Variants in SHISAL1 observed in about 807,000 individuals in gnomAD.
SHISAL1 encodes the protein shisa like 1, also known as protein shisa-like-1.
In SHISAL1, 9 loss-of-function variants were observed where a neutral mutation model predicts 22.6. The ratio of observed to expected loss-of-function variants is 0.40; its 90% CI spans 0.24 to 0.70. The LOEUF (loss-of-function observed/expected upper bound fraction) is 0.70, where lower values mean the gene tolerates loss of function less well. SHISAL1 is among the 30% of genes least tolerant of loss of function. SHISAL1 has a pLI of 0.39. For synonymous variants in SHISAL1, 119 were observed against 115.4 expected (o/e 1.03, Z -0.20); for missense variants, 246 against 270.6 (o/e 0.91, Z 0.64).
chr22:44,328,561 C>T, the SHISAL1 span, among the ~76,000 whole-genome samples: 3 of 152,186 alleles, frequency 2.0e-5, no homozygotes, highest in African/African-American at 2.4e-5. Context: ...TGCCACCGCC[C>T]CCCAACCCGC....
chr22:44,313,873 G>T (rs1278487951), upstream of SHISAL1, among the ~76,000 whole-genome samples: 2 of 152,114 alleles, frequency 1.3e-5, no homozygotes, highest in Admixed American at 1.3e-4. Flanking sequence ...CATTCCTTTC[G>T]GTGGACAGAG....
rs748473319 is a variant in SHISAL1, at chr22:44,310,797, G to A, written c.-33+1954C>T. Reference sequence around the variant, plus strand: ...CTTTGCTTGTTCCTTTAGTTGGCACGGATTTCCCTCTGCCTTACCTGTTGG... The same window carrying A: ...CTTTGCTTGTTCCTTTAGTTGGCACAGATTTCCCTCTGCCTTACCTGTTGG... On this transcript the variant is annotated intron_variant, in intron 1 of 4. Transcript: ENST00000381176. The surrounding 1 kb of genome is among the most constrained non-coding windows in gnomAD (Gnocchi z 4.0). Among the ~76,000 whole-genome samples, 13 of 151,952 alleles carry A rather than the reference G, an allele frequency of 8.6e-5. No individual in the cohort carries two copies. Among genetic ancestry groups the A allele is most frequent in the African/African-American group, 2.2e-4 (9 of 41,340 alleles).
chr22:44,273,655 A>G (rs1052880407), intron 4 of SHISAL1, among the ~76,000 whole-genome samples: 1 of 152,230 alleles, frequency 6.6e-6, no homozygotes, highest in African/African-American at 2.4e-5. Flanking sequence ...TAAACTAGCT[A>G]TGGTATTGCT....
the SHISAL1 span, among the ~76,000 whole-genome samples, chr22:44,324,098 T>C: frequency 6.6e-6 from 1 of 152,172 alleles, no homozygotes; most frequent in Non-Finnish European, 1.5e-5. Context: ...TAAAACATAA[T>C]GGTTAGCAAT....
intron 4 of SHISAL1, among the ~76,000 whole-genome samples, chr22:44,271,788 G>A (rs751737224): frequency 3.9e-5 from 6 of 152,138 alleles, no homozygotes; most frequent in Non-Finnish European, 4.4e-5. Flanking sequence ...TCTGTAGGGT[G>A]ATCTCGCTTC....
rs765690814 is a variant in SHISAL1 at position 44,300,871 on chromosome 22, G to A, written c.67+8C>T. ...CGCCCCCGCCCCCAGCATCCACGGA[G>A]GTTTTACCTGCAGAAAACAGCAATG... On this transcript the variant is annotated splice_region_variant and intron_variant, in intron 2 of 4. Transcript: ENST00000381176. 4.3e-6 allele frequency: 7 copies of A among 1,613,416 alleles called. No homozygotes were observed. The highest frequency in any genetic ancestry group is 4.5e-5 in the East Asian group (2 of 44,894).
intron 3 of SHISAL1, among the ~76,000 whole-genome samples, chr22:44,295,568 G>A (rs976449687): frequency 6.6e-6 from 1 of 151,854 alleles, no homozygotes; most frequent in East Asian, 1.9e-4. Flanking sequence ...TAAGCATGAG[G>A]AAAAAGCAGT....
chr22:44,323,914 G>A, the SHISAL1 span, among the ~76,000 whole-genome samples: 2 of 152,210 alleles, frequency 1.3e-5, no homozygotes, highest in African/African-American at 4.8e-5. Flanking sequence ...ATGCCCGTCT[G>A]CACCAAACAC....
At chr22:44,312,031 G>C (rs531073907) in intron 1 of SHISAL1, among the ~76,000 whole-genome samples, 60 of 152,214 alleles carry the variant, frequency 3.9e-4, no homozygotes, top group Non-Finnish European at 7.4e-4. Context: ...CTCGGGGTGG[G>C]GGTGGCTCTG....
At chr22:44,268,112 C>T (rs2055177659) in intron 4 of SHISAL1, among the ~76,000 whole-genome samples, 1 of 152,208 alleles carries the variant, frequency 6.6e-6, no homozygotes, top group Admixed American at 6.5e-5. Flanking sequence ...TCGGTCACTT[C>T]TCAGGGAACT....
chr22:44,303,741 G>A (rs56108898), intron 1 of SHISAL1, among the ~76,000 whole-genome samples: 32,200 of 152,128 alleles, frequency 0.21, 3,577 homozygotes, highest in African/African-American at 0.25. Context: ...GGGTCCACAC[G>A]AGGAAGCTCA....
In SHISAL1 at chr22:44,245,472, C is replaced by T. The variant is rs1234815792; in HGVS notation, c.*4213G>A. The T allele has an allele frequency of 1.3e-5, 2 of 152,224 alleles. No individual in the cohort carries two copies. Among genetic ancestry groups the T allele is most frequent in the Non-Finnish European group, 2.9e-5 (2 of 68,054 alleles). 9.4% of individuals were successfully genotyped at this position (152,224 alleles called of 1,614,324 possible). A position where few individuals can be genotyped will look rare whatever the true frequency, so the allele number is the denominator to read the frequency against. ...GTAAATTCACTTCCGAAGGCTTTTC[C>T]TGTTGATGGGGACCAGTTCAGCCAA... On this transcript the variant is annotated 3_prime_UTR_variant, in exon 5 of 5. Coordinates refer to ENST00000381176, the MANE Select transcript of SHISAL1 (RefSeq NM_001099294.2).
At chr22:44,317,027 G>A (rs1457026641), upstream of SHISAL1, among the ~76,000 whole-genome samples, 3 of 152,230 alleles carry the variant, frequency 2.0e-5, no homozygotes, top group Non-Finnish European at 4.4e-5. Context: ...AAATAGAGCT[G>A]CAGTGGAGAC....
intron 4 of SHISAL1, among the ~76,000 whole-genome samples, chr22:44,274,466 T>G (rs59068787): frequency 6.6e-6 from 1 of 151,962 alleles, no homozygotes; most frequent in Non-Finnish European, 1.5e-5. Context: ...GGCCACAAAT[T>G]CACAAAGGTG....
At position 44,253,425 on chromosome 22, in the gene SHISAL1, A is replaced by ATTTTTTTTTTTTTTTT. The variant is rs1491154287; in HGVS notation, c.*-3741_*-3740insAAAAAAAAAAAAAAAA. On this transcript the variant is annotated intron_variant, in intron 4 of 4. Coordinates refer to ENST00000381176, the MANE Select transcript of SHISAL1 (RefSeq NM_001099294.2). ...AAGCAGAGTATGCTAGTATTAGTGC[A>ATTTTTTTTTTTTTTTT]TGTTTTTTTTTTTTTTTTTTTTTGA... Among the ~76,000 whole-genome samples, 11 of 107,884 alleles carry ATTTTTTTTTTTTTTTT rather than the reference A, an allele frequency of 1.0e-4. 5 individuals carry two copies. The highest frequency in any genetic ancestry group is 1.2e-4 in the Non-Finnish European group (6 of 50,378). The allele number at this position is 107,884 out of a possible 152,430, so 70.8% of individuals were successfully genotyped here. A position where few individuals can be genotyped will look rare whatever the true frequency, so the allele number is the denominator to read the frequency against.
Position 44,312,830 on chromosome 22 carries a change from G to C in SHISAL1, c.-112C>G, listed in dbSNP as rs2055529916. 1.3e-5 allele frequency: 2 copies of C among 152,336 alleles called. No homozygotes were observed. The highest frequency in any genetic ancestry group is 2.9e-5 in the Non-Finnish European group (2 of 68,104). 9.4% of individuals were successfully genotyped at this position (152,336 alleles called of 1,614,324 possible). ...CCTGCAGCTGCTGGCCTCTTCCCCG[G>C]CTCCTGGTTGCCACCAACCTTAAAC... On this transcript the variant is annotated 5_prime_UTR_variant, in exon 1 of 5. Coordinates refer to ENST00000381176, the MANE Select transcript of SHISAL1 (RefSeq NM_001099294.2).
the SHISAL1 span, among the ~76,000 whole-genome samples, chr22:44,323,562 A>ATCCAT: frequency 8.7e-6 from 1 of 115,032 alleles, no homozygotes; most frequent in African/African-American, 3.5e-5. Flanking sequence ...CCATCCATCC[A>ATCCAT]CCATCCATCC....
Position 44,302,414 on chromosome 22 carries a change from T to TAAAA in SHISAL1, c.-32-1441_-32-1438dup, listed in dbSNP as rs35536153. Among the ~76,000 whole-genome samples, 439 of 148,484 alleles carry TAAAA rather than the reference T, an allele frequency of 3.0e-3. 2 individuals carry two copies. The highest frequency in any genetic ancestry group is 0.01 in the African/African-American group (412 of 40,154). On this transcript the variant is annotated intron_variant, in intron 1 of 4. Coordinates refer to ENST00000381176, the MANE Select transcript of SHISAL1 (RefSeq NM_001099294.2). ...CTCTGTAATGTATATTTTGCCACAATAAAAAAAAATTTTTAATGTTACGAG... is the reference window on the plus strand; with the variant it reads ...CTCTGTAATGTATATTTTGCCACAATAAAAAAAAAAAAATTTTTAATGTTACGAG...
At chr22:44,263,695 C>A (rs2055142233) in intron 4 of SHISAL1, among the ~76,000 whole-genome samples, 1 of 152,140 alleles carries the variant, frequency 6.6e-6, no homozygotes, top group South Asian at 2.1e-4. Flanking sequence ...GGAGAGATGT[C>A]CTTGCATCTG....
Sources: allele counts gnomAD v4.1 joint callset (sites outside exome capture counted in the v4.1 genomes callset), GRCh38; gene constraint gnomAD v4.1.1; non-coding constraint Gnocchi (gnomAD v3.1); transcripts MANE v1.5; gene names NCBI Gene and HGNC (gene_info 2026-07-23, HGNC 2026-07-21).